Variants in FHL1 observed in about 807,000 individuals in gnomAD.
The protein encoded by FHL1 is four and a half LIM domains 1.
Under a neutral mutation model 20.3 loss-of-function variants are expected in FHL1, and 1 was observed. The ratio of observed to expected loss-of-function variants is 0.05; its 90% CI spans 0.02 to 0.23. FHL1 has a LOEUF of 0.23. FHL1 is among the 10% of genes least tolerant of loss of function. The pLI is 1.00. For missense variants in FHL1, 177 were observed against 234.0 expected, an observed-to-expected ratio of 0.76 and a Z score of 1.59; for synonymous variants, 82 against 88.9, an observed-to-expected ratio of 0.92 and a Z score of 0.44.
At chrX:136,186,873 TATATATATAGATAG>T (rs1261993387) in intron 2 of FHL1, among the ~76,000 whole-genome samples, 113 of 10,205 alleles carry the variant, frequency 0.011, 3 homozygotes, top group African/African-American at 0.018. Context: ...AAAATATATA[TATATATATAGATAG>T]ATAGATAGAT....
At chrX:136,206,302 C>G (rs2073837711) in intron 1 of FHL1, 105 bp from the exon 2 acceptor site, 1 of 1,017,560 alleles carries the variant, frequency 9.8e-7, no homozygotes, top group African/African-American at 1.8e-5. Flanking sequence ...GGTCCTCAGA[C>G]CCCATGGACT....
At chrX:136,199,767 A>C (rs1361849398) in intron 1 of FHL1, among the ~76,000 whole-genome samples, 1 of 112,210 alleles carries the variant, frequency 8.9e-6, no homozygotes, top group African/African-American at 3.2e-5. Context: ...TACACCCTTC[A>C]TGGAAAACAC....
At position 136,209,862 on chromosome X, in the gene FHL1, T is replaced by C. The variant is rs914754937; in HGVS notation, c.737-9T>C. The C allele has an allele frequency of 1.7e-4, 204 of 1,170,211 alleles. No homozygotes were observed. The highest frequency in any genetic ancestry group is 3.9e-4 in the African/African-American group (22 of 55,838). ...TGTTTTCTTTTCTTTTCTTTTTTTTTCCCCCCAGGGTTTGGTAAAGGCTCC... is the reference window on the plus strand; with the variant it reads ...TGTTTTCTTTTCTTTTCTTTTTTTTCCCCCCCAGGGTTTGGTAAAGGCTCC... On this transcript the variant is annotated splice_polypyrimidine_tract_variant and intron_variant, in intron 5 of 5. Transcript: ENST00000370683.
At chrX:136,180,224 G>A (rs991101910) in intron 2 of FHL1, among the ~76,000 whole-genome samples, 1 of 112,007 alleles carries the variant, frequency 8.9e-6, no homozygotes. Context: ...TCCCCGCTTC[G>A]TTATATGGTC....
intron 1 of FHL1, among the ~76,000 whole-genome samples, chrX:136,200,403 G>A (rs759651810): frequency 8.9e-6 from 1 of 111,839 alleles, no homozygotes; most frequent in South Asian, 3.7e-4. Flanking sequence ...ATTGCATTAG[G>A]TTCATAAGTC....
At chrX:136,193,031 T>A (rs2073467078), upstream of FHL1, among the ~76,000 whole-genome samples, 1 of 109,046 alleles carries the variant, frequency 9.2e-6, no homozygotes, top group African/African-American at 3.3e-5. Context: ...AGAAAAAAAC[T>A]TGCAGTCTAT....
intron 1 of FHL1, among the ~76,000 whole-genome samples, chrX:136,157,901 A>T (rs1020347943): frequency 5.4e-5 from 6 of 111,942 alleles, no homozygotes; most frequent in Admixed American, 9.5e-5. Flanking sequence ...AGAGAAAAAC[A>T]ATTCTGATAG....
At chrX:136,170,138 T>C (rs1295390070) in intron 2 of FHL1, among the ~76,000 whole-genome samples, 3 of 111,784 alleles carry the variant, frequency 2.7e-5, no homozygotes, top group Non-Finnish European at 5.6e-5. Flanking sequence ...ACCCTAAATA[T>C]TAGCTCTCGG....
chrX:136,186,976 A>G (rs1222490493), intron 2 of FHL1, among the ~76,000 whole-genome samples: 1 of 110,792 alleles, frequency 9.0e-6, no homozygotes, highest in East Asian at 2.8e-4. Context: ...ACTGTGGTAT[A>G]GCTTTACAAT....
chrX:136,203,329 T>C (rs193055067), intron 1 of FHL1, among the ~76,000 whole-genome samples: 2,131 of 111,990 alleles, frequency 0.019, 40 homozygotes, highest in African/African-American at 0.063. Context: ...GACTGCAGGT[T>C]TAAGTATAGA....
rs911478002 is a variant in FHL1, at chrX:136,210,269, C to CTT, written c.*245_*246dup. 1.1e-4 allele frequency: 56 copies of CTT among 489,725 alleles called. No homozygotes were observed. The highest frequency in any genetic ancestry group is 1.1e-3 in the Middle Eastern group (2 of 1,826). The allele number at this position is 489,725 out of a possible 1,213,427, so 40.4% of individuals were successfully genotyped here. ...TCCGGCTGCAATTTAAAAATGAAAA[C>CTT]TTAGGTAGATTGACTCTTCTGCATG... On this transcript the variant is annotated 3_prime_UTR_variant, in exon 6 of 6. Transcript: ENST00000370683.
At chrX:136,193,816 T>C (rs1228259598), upstream of FHL1, among the ~76,000 whole-genome samples, 1 of 110,664 alleles carries the variant, frequency 9.0e-6, no homozygotes, top group Non-Finnish European at 1.9e-5. Flanking sequence ...TGAGATCTGC[T>C]CTTCTTATCA....
upstream of FHL1, among the ~76,000 whole-genome samples, chrX:136,167,446 C>G (rs1016594697): frequency 3.6e-5 from 4 of 109,813 alleles, no homozygotes; most frequent in African/African-American, 1.3e-4. Flanking sequence ...ACCTCGTGAT[C>G]CACCCACCGC....
chrX:136,169,636 CT>C (rs2072806445), exon 1 of FHL1: 5 of 267,593 alleles, frequency 1.9e-5, no homozygotes, highest in Non-Finnish European at 3.5e-5. Flanking sequence ...GCTCACTCCC[CT>C]AACAATGCTG....
chrX:136,184,595 A>C (rs2073241411), intron 2 of FHL1, among the ~76,000 whole-genome samples: 1 of 111,826 alleles, frequency 8.9e-6, no homozygotes, highest in African/African-American at 3.2e-5. Flanking sequence ...TTGAAAGTTT[A>C]GGCTGATATG....
At chrX:136,180,723 T>C (rs765651211) in intron 2 of FHL1, among the ~76,000 whole-genome samples, 2 of 112,312 alleles carry the variant, frequency 1.8e-5, no homozygotes, top group Non-Finnish European at 3.8e-5. Context: ...ACATACTGAT[T>C]GACTTTATTT....
At chrX:136,154,419 A>G (rs562894945) in intron 1 of FHL1, among the ~76,000 whole-genome samples, 5 of 112,714 alleles carry the variant, frequency 4.4e-5, no homozygotes, top group African/African-American at 1.6e-4. Flanking sequence ...TCTCTAGCCT[A>G]TGAGGCAAGT....
chrX:136,182,093 G>A (rs907739496), intron 2 of FHL1, among the ~76,000 whole-genome samples: 3 of 111,907 alleles, frequency 2.7e-5, no homozygotes, highest in Admixed American at 1.9e-4. Context: ...ATCCTGGCAT[G>A]GAGTTGGAAA....
chrX:136,156,433 C>T (rs2072421178), intron 1 of FHL1, among the ~76,000 whole-genome samples: 1 of 110,293 alleles, frequency 9.1e-6, no homozygotes, highest in Middle Eastern at 4.3e-3. Context: ...AGGCACCCAC[C>T]ACCATGCCCA....
Sources: gnomAD v4.1 joint callset for allele counts (sites outside exome capture counted in the v4.1 genomes callset) on GRCh38, gnomAD v4.1.1 for gene constraint, MANE v1.5 for transcripts, NCBI Gene and HGNC (gene_info 2026-07-23, HGNC 2026-07-21) for gene names.